The following PTK2 variants were observed in gnomAD, a reference collection of about 807,000 sequenced individuals.
PTK2 encodes the protein focal adhesion kinase 1.
PTK2 carries 45 observed loss-of-function variants against 150.1 expected under a neutral mutation model. The observed-to-expected ratio is 0.30, with a 90% CI of 0.24 to 0.38. The LOEUF is 0.38. Ranked by LOEUF, PTK2 falls within the 10% of genes least tolerant of loss-of-function variation. PTK2 has a pLI of 1.00. For missense variants in PTK2, 919 were observed against 1,307.3 expected (o/e 0.70, Z 4.58); for synonymous variants, 432 against 449.2 (o/e 0.96, Z 0.48).
At chr8:140,993,114 A>G (rs2100196348) in intron 1 of PTK2, among the ~76,000 whole-genome samples, 1 of 152,232 alleles carries the variant, frequency 6.6e-6, no homozygotes, top group Non-Finnish European at 1.5e-5. Flanking sequence ...AAGTTCCAAA[A>G]TTATGAAAGA....
rs112335945 is a variant in PTK2 at position 140,888,068 on chromosome 8, C to T, written c.195+2475G>A. Among the ~76,000 whole-genome samples, 10 of 152,314 alleles carry T rather than the reference C, an allele frequency of 6.6e-5. 2 individuals carry two copies. Among genetic ancestry groups the T allele is most frequent in the African/African-American group, 2.4e-4 (10 of 41,582 alleles). On this transcript the variant is annotated intron_variant, in intron 3 of 31. Transcript: ENST00000522684. ...AGTTTCTTTCTGACAAGTAATTATA[C>T]TTGGATTCTTTACTAATCTAATCCT...
At chr8:140,766,691 G>A (rs889157176) in intron 14 of PTK2, among the ~76,000 whole-genome samples, 2 of 152,298 alleles carry the variant, frequency 1.3e-5, no homozygotes, top group African/African-American at 2.4e-5. Context: ...GTAAAGGAAC[G>A]CTATACCCCT....
intron 3 of PTK2, among the ~76,000 whole-genome samples, chr8:140,881,159 C>G (rs1326164029): frequency 6.6e-6 from 1 of 152,162 alleles, no homozygotes; most frequent in Non-Finnish European, 1.5e-5. Flanking sequence ...TCCTTCCTGG[C>G]TTTTTGATCC....
chr8:140,793,363 G>A (rs868799354), exon 13 of PTK2: 1 of 1,609,402 alleles, frequency 6.2e-7, no homozygotes, highest in East Asian at 2.2e-5. Flanking sequence ...CTTTGGTATT[G>A]ATGGCAAAGC....
chr8:140,773,410 T>C (rs1305615628), intron 14 of PTK2, among the ~76,000 whole-genome samples: 2 of 152,182 alleles, frequency 1.3e-5, no homozygotes, highest in South Asian at 2.1e-4. Flanking sequence ...CATGTCAACA[T>C]GTAAGTGCTA....
intron 30 of PTK2, among the ~76,000 whole-genome samples, chr8:140,666,226 T>C (rs1035200103): frequency 6.6e-6 from 1 of 152,094 alleles, no homozygotes; most frequent in African/African-American, 2.4e-5. Context: ...TAGTCCCAGC[T>C]ACTCGGGAAG....
In PTK2 at chr8:140,968,585, T is replaced by C. The variant is rs577332563; in HGVS notation, c.-122+32540A>G. Among the ~76,000 whole-genome samples, 6 of 152,340 alleles carry C rather than the reference T, an allele frequency of 3.9e-5. No individual in the cohort carries two copies. The South Asian group carries it at 8.3e-4, about 21-fold the overall frequency. On this transcript the variant is annotated intron_variant, in intron 1 of 31. Coordinates refer to ENST00000522684, the Ensembl canonical transcript of PTK2. ...TGCAAAGCAAAAATCTGTCTACAGC[T>C]TGTGCTCTTCACCGCTGTTCTATTC...
chr8:140,927,489 A>T (rs949338604), intron 1 of PTK2: 4 of 152,246 alleles, frequency 2.6e-5, no homozygotes, highest in African/African-American at 9.6e-5. Flanking sequence ...TTGCAGTCAC[A>T]GACATATTAA....
intron 26 of PTK2, among the ~76,000 whole-genome samples, chr8:140,688,151 AG>A (rs956054199): frequency 2.0e-5 from 3 of 152,240 alleles, no homozygotes; most frequent in Non-Finnish European, 2.9e-5. Context: ...GAAACAGAAT[AG>A]ACAGCCCTGA....
chr8:140,800,847 C>T (rs2100094618), intron 11 of PTK2, among the ~76,000 whole-genome samples: 1 of 152,102 alleles, frequency 6.6e-6, no homozygotes, highest in African/African-American at 2.4e-5. Context: ...AAAGTATTTT[C>T]CTTCAGAGTG....
chr8:140,932,655 T>C (rs2100172264), intron 1 of PTK2, among the ~76,000 whole-genome samples: 1 of 152,210 alleles, frequency 6.6e-6, no homozygotes. Flanking sequence ...GCATGCCATA[T>C]AAAAACTTGT....
At chr8:140,665,448 CA>C (rs1255831108) in intron 30 of PTK2, among the ~76,000 whole-genome samples, 1 of 152,128 alleles carries the variant, frequency 6.6e-6, no homozygotes, top group Non-Finnish European at 1.5e-5. Flanking sequence ...CCAGAGATGA[CA>C]CCACTGCCCC....
chr8:140,661,327 C>T (rs1056756859), intron 31 of PTK2, among the ~76,000 whole-genome samples: 11 of 152,174 alleles, frequency 7.2e-5, no homozygotes, highest in Non-Finnish European at 7.3e-5. Context: ...AGGCCATCTT[C>T]AGAGGAGAGG....
intron 1 of PTK2, among the ~76,000 whole-genome samples, chr8:140,953,629 ATCT>A (rs2100180242): frequency 6.6e-6 from 1 of 152,212 alleles, no homozygotes; most frequent in Non-Finnish European, 1.5e-5. Context: ...TACTTCTGGA[ATCT>A]TCTATTTAGT....
chr8:140,903,389 T>C (rs1003185013), intron 2 of PTK2, among the ~76,000 whole-genome samples: 3 of 152,226 alleles, frequency 2.0e-5, no homozygotes, highest in Admixed American at 2.0e-4. Context: ...ACTGCCATGC[T>C]GTTTGGGATA....
intron 12 of PTK2, among the ~76,000 whole-genome samples, chr8:140,798,173 T>G (rs1330446482): frequency 1.3e-5 from 2 of 152,140 alleles, no homozygotes; most frequent in Non-Finnish European, 2.9e-5. Context: ...AGGAAAACGG[T>G]ACATTAGAGT....
At chr8:140,827,949 T>A (rs983876836) in intron 8 of PTK2, among the ~76,000 whole-genome samples, 2 of 152,064 alleles carry the variant, frequency 1.3e-5, no homozygotes, top group African/African-American at 2.4e-5. Flanking sequence ...GGTGGATCAC[T>A]TGAGCTCAGG....
chr8:140,948,895 G>C (rs2100178576), intron 1 of PTK2, among the ~76,000 whole-genome samples: 1 of 151,928 alleles, frequency 6.6e-6, no homozygotes, highest in South Asian at 2.1e-4. Flanking sequence ...GTTGACCCTT[G>C]AACAACATGG....
rs112423180 is a variant in PTK2, at chr8:140,850,180, C to G, written c.451-3502G>C. ...GTGGCTCACGCCTGTAATCCCAGCACTTTGGGAGGCCGAGGTGGGTGGATC... is the reference window on the plus strand; with the variant it reads ...GTGGCTCACGCCTGTAATCCCAGCAGTTTGGGAGGCCGAGGTGGGTGGATC... On this transcript the variant is annotated intron_variant, in intron 5 of 31. Transcript: ENST00000522684. Among the ~76,000 whole-genome samples the G allele has an allele frequency of 5.3e-3, 806 of 152,272 alleles. 9 individuals carry two copies. Among genetic ancestry groups the G allele is most frequent in the African/African-American group, 0.018 (736 of 41,562 alleles).
Sources: allele counts gnomAD v4.1 joint callset (sites outside exome capture counted in the v4.1 genomes callset), GRCh38; gene constraint gnomAD v4.1.1; transcripts MANE v1.5; gene names NCBI Gene and HGNC (gene_info 2026-07-23, HGNC 2026-07-21).